The following NDST3 variants were observed in gnomAD, a reference collection of about 807,000 sequenced individuals.
NDST3 encodes bifunctional heparan sulfate N-deacetylase/N-sulfotransferase 3.
Under a neutral mutation model 96.1 loss-of-function variants are expected in NDST3, and 58 were observed. The ratio of observed to expected loss-of-function variants is 0.60; its 90% CI spans 0.49 to 0.75. NDST3 has a LOEUF of 0.75. Ranked by LOEUF, NDST3 falls within the 30% of genes least tolerant of loss-of-function variation. The pLI is 0.00. For missense variants in NDST3, 788 were observed against 1,034.2 expected (o/e 0.76, Z 3.27); for synonymous variants, 333 against 359.7 (o/e 0.93, Z 0.84).
intron 2 of NDST3, among the ~76,000 whole-genome samples, chr4:118,102,184 A>G (rs1454105644): frequency 6.6e-6 from 1 of 152,102 alleles, no homozygotes; most frequent in Non-Finnish European, 1.5e-5. Flanking sequence ...TAATTGATAC[A>G]TGGAATTGTA....
chr4:118,248,109 A>T (rs1741437215), intron 12 of NDST3, among the ~76,000 whole-genome samples: 1 of 152,114 alleles, frequency 6.6e-6, no homozygotes, highest in Non-Finnish European at 1.5e-5. Context: ...CTAACACTTT[A>T]AGAGGCCGAG....
chr4:118,226,844 T>C (rs773794874), intron 7 of NDST3, 42 bp from the exon 8 acceptor site: 5 of 1,416,054 alleles, frequency 3.5e-6, no homozygotes, highest in East Asian at 2.3e-5. Flanking sequence ...AATGGACACA[T>C]TCATGAAAAA....
chr4:118,233,134 T>G lies in NDST3; in HGVS notation c.1942T>G (p.Trp648Gly). The change falls in exon 9 of 14, where the codon TGG becomes GGG. Residue 648 changes from tryptophan to glycine, a missense_variant and splice_region_variant. Around this residue, in one of 3 missense-constraint regions of NDST3, gnomAD observed 490 missense variants for 708.8 expected, o/e 0.69. Coordinates refer to ENST00000296499, the MANE Select transcript of NDST3 (RefSeq NM_004784.3). Reference sequence around the variant, plus strand: ...AAATAACTACCACAGGGGGATTGATTGGTAAGATGGGTTATTAGTATAAAT... The same window carrying G: ...AAATAACTACCACAGGGGGATTGATGGGTAAGATGGGTTATTAGTATAAAT... Reference protein sequence around the residue: ...NRNNYHRGIDWYMDFFPVPSN... With the variant: ...NRNNYHRGIDGYMDFFPVPSN... 1 of 1,611,064 alleles carries G rather than the reference T, an allele frequency of 6.2e-7. No homozygotes were observed.
chr4:118,041,896 C>T (rs1242172633), intron 1 of NDST3, among the ~76,000 whole-genome samples: 1 of 152,050 alleles, frequency 6.6e-6, no homozygotes, highest in Non-Finnish European at 1.5e-5. Context: ...GGAAGACAGA[C>T]ATTAGACAAA....
intron 6 of NDST3, among the ~76,000 whole-genome samples, chr4:118,180,089 A>C (rs76765001): frequency 6.6e-6 from 1 of 152,046 alleles, no homozygotes; most frequent in Non-Finnish European, 1.5e-5. Context: ...ACAAAGAAAT[A>C]GGGTTTGTTT....
chr4:118,165,517 AC>A (rs1055727129), intron 6 of NDST3, among the ~76,000 whole-genome samples: 1 of 152,040 alleles, frequency 6.6e-6, no homozygotes, highest in African/African-American at 2.4e-5. Flanking sequence ...GAACACTTAG[AC>A]CAAAAATCAA....
At chr4:118,036,598 A>T (rs1724163470) in intron 1 of NDST3, among the ~76,000 whole-genome samples, 1 of 152,194 alleles carries the variant, frequency 6.6e-6, no homozygotes, top group Admixed American at 6.5e-5. Flanking sequence ...AATTAGTCTG[A>T]ACAATCCTCA....
chr4:118,210,855 AG>A (rs1387612907), intron 6 of NDST3, among the ~76,000 whole-genome samples: 4 of 152,072 alleles, frequency 2.6e-5, no homozygotes, highest in African/African-American at 9.7e-5. Context: ...TGGCTACCAA[AG>A]GAAGTTGTAC....
At position 118,253,575 on chromosome 4, in the gene NDST3, A is replaced by G; in HGVS notation, c.2476A>G (p.Arg826Gly). 1 of 1,611,812 alleles carries G rather than the reference A, an allele frequency of 6.2e-7. No homozygotes were observed. Among genetic ancestry groups the G allele is most frequent in the Non-Finnish European group, 8.5e-7 (1 of 1,178,424 alleles). The change falls in exon 13 of 14, where the codon AGA becomes GGA. Residue 826 changes from arginine to glycine, a missense_variant. By Grantham distance (125) the Arg-to-Gly change is moderately radical. Coordinates refer to ENST00000296499, the MANE Select transcript of NDST3 (RefSeq NM_004784.3). ...AAAATGCCTTGGAAAGAGCAAAGGA[A>G]GAAAATACCCTCCAATGGATTCTGA... ...KTKCLGKSKG[R>G]KYPPMDSDSR...
intron 5 of NDST3, among the ~76,000 whole-genome samples, chr4:118,139,108 T>C (rs960839375): frequency 1.3e-5 from 2 of 152,186 alleles, no homozygotes; most frequent in Non-Finnish European, 2.9e-5. Flanking sequence ...TGGATAGACA[T>C]ATAGCTTAGA....
intron 2 of NDST3, among the ~76,000 whole-genome samples, chr4:118,097,440 T>G (rs552138237): frequency 7.9e-5 from 12 of 151,992 alleles, no homozygotes; most frequent in African/African-American, 2.9e-4. Flanking sequence ...AATAAATAAA[T>G]TAGAAACTAC....
Position 118,054,156 on chromosome 4 carries a change from A to G in NDST3, c.246A>G (p.Val82=). The G allele has an allele frequency of 6.2e-7, 1 of 1,613,014 alleles. No individual in the cohort carries two copies. The highest frequency in any genetic ancestry group is 8.5e-7 in the Non-Finnish European group (1 of 1,179,350). Reference sequence around the variant, plus strand: ...CAAGGACAGACCCCACAGTCCTAGTATTTGTAGAGAGCCAGTACTCATCTC... The same window carrying G: ...CAAGGACAGACCCCACAGTCCTAGTGTTTGTAGAGAGCCAGTACTCATCTC... ...DASRTDPTVL[V]FVESQYSSLG... The change falls in exon 2 of 14, where the codon GTA becomes GTG. Residue 82 remains valine, a synonymous_variant. Coordinates refer to ENST00000296499, the MANE Select transcript of NDST3 (RefSeq NM_004784.3).
intron 6 of NDST3, among the ~76,000 whole-genome samples, chr4:118,192,472 T>G (rs1266853520): frequency 1.3e-5 from 2 of 152,186 alleles, no homozygotes; most frequent in Non-Finnish European, 2.9e-5. Flanking sequence ...TGGCGAGAGA[T>G]AGGCATCTAG....
At chr4:118,160,100 A>T (rs1734991386) in intron 6 of NDST3, among the ~76,000 whole-genome samples, 1 of 152,156 alleles carries the variant, frequency 6.6e-6, no homozygotes, top group African/African-American at 2.4e-5. Flanking sequence ...CTCAAAGATA[A>T]CCACACCAGA....
At chr4:118,089,026 T>C (rs754739895) in intron 2 of NDST3, among the ~76,000 whole-genome samples, 2 of 151,984 alleles carry the variant, frequency 1.3e-5, no homozygotes, top group African/African-American at 2.4e-5. Context: ...GAATTTGTGA[T>C]ATTGGAAACA....
intron 2 of NDST3, among the ~76,000 whole-genome samples, chr4:118,078,174 C>A (rs1377880479): frequency 6.6e-6 from 1 of 152,136 alleles, no homozygotes; most frequent in East Asian, 1.9e-4. Context: ...TCAGCCCAGA[C>A]AGGCTGGTGC....
chr4:118,194,730 C>G, intron 6 of NDST3: 2 of 513,476 alleles, frequency 3.9e-6, no homozygotes, highest in Non-Finnish European at 7.1e-6. Flanking sequence ...TTCTCAGTCT[C>G]CTTCATCTCC....
chr4:118,051,438 A>G (rs1006740455), intron 1 of NDST3, among the ~76,000 whole-genome samples: 16 of 152,188 alleles, frequency 1.1e-4, no homozygotes, highest in African/African-American at 3.6e-4. Context: ...GCTTCTGAAC[A>G]GCAGAAGAAA....
intron 8 of NDST3, among the ~76,000 whole-genome samples, chr4:118,231,082 T>G (rs980912321): frequency 6.6e-6 from 1 of 152,174 alleles, no homozygotes; most frequent in Non-Finnish European, 1.5e-5. Context: ...ATGCCTGTGA[T>G]CCCAGCACTT....
Sources: allele counts gnomAD v4.1 joint callset (sites outside exome capture counted in the v4.1 genomes callset), GRCh38; gene constraint gnomAD v4.1.1; regional missense constraint gnomAD v4.1.1; transcripts MANE v1.5; gene names NCBI Gene and HGNC (gene_info 2026-07-23, HGNC 2026-07-21).